PRR5: variants seen among roughly 807,000 people sequenced by gnomAD.
PRR5 encodes proline rich 5, also known as proline-rich protein 5.
Under a neutral mutation model 30.6 loss-of-function variants are expected in PRR5, and 25 were observed. The observed-to-expected ratio is 0.82, with a 90% CI of 0.60 to 1.14. The LOEUF (loss-of-function observed/expected upper bound fraction) is 1.14. Among genes scored for constraint, PRR5 ranks in the 50% most tolerant of loss-of-function variants. The probability of loss-of-function intolerance (pLI) is 0.00; values close to 1 mark genes in which losing one functional copy is unlikely to be tolerated. For missense variants in PRR5, 600 were observed against 547.1 expected (o/e 1.10, Z -0.96); for synonymous variants, 286 against 247.1 (o/e 1.16, Z -1.48).
chr22:44,731,161 G>A (rs932540505), intron 4 of PRR5: 3 of 265,264 alleles, frequency 1.1e-5, no homozygotes, highest in South Asian at 4.1e-5. Context: ...ACCTGTGTGG[G>A]TCTCACTTGT....
At chr22:44,685,638 A>G (rs920188314) in intron 1 of PRR5, among the ~76,000 whole-genome samples, 71 of 151,956 alleles carry the variant, frequency 4.7e-4, no homozygotes, top group African/African-American at 1.7e-3. Context: ...AGTGAAAGCC[A>G]CAAGCTCTCC....
chr22:44,670,425 T>G (rs1357030010), intron 1 of PRR5, among the ~76,000 whole-genome samples: 2 of 152,166 alleles, frequency 1.3e-5, no homozygotes, highest in Non-Finnish European at 2.9e-5. Context: ...GACAAGTCAC[T>G]TTGCTTCTCT....
chr22:44,725,627 C>T (rs964352819), intron 3 of PRR5, among the ~76,000 whole-genome samples: 26 of 152,018 alleles, frequency 1.7e-4, no homozygotes, highest in African/African-American at 5.3e-4. Context: ...CCCACCATCA[C>T]GCCTGGCTAA....
intron 2 of PRR5, among the ~76,000 whole-genome samples, chr22:44,721,924 G>A (rs1172184266): frequency 6.6e-6 from 1 of 152,220 alleles, no homozygotes; most frequent in Non-Finnish European, 1.5e-5. Flanking sequence ...ACTGAAAGTG[G>A]CCCTGCAAGT....
chr22:44,702,045 G>T (rs78245137), upstream of PRR5, among the ~76,000 whole-genome samples: 13,747 of 151,958 alleles, frequency 0.09, 1,003 homozygotes, highest in African/African-American at 0.21. Flanking sequence ...ACCCAGCGAG[G>T]CGTCGTGGCA....
chr22:44,704,313 TGGGGCGTCCTG>T (rs986869378), intron 1 of PRR5, among the ~76,000 whole-genome samples: 8 of 151,806 alleles, frequency 5.3e-5, no homozygotes, highest in Non-Finnish European at 5.9e-5. Context: ...ACCCCCGAGG[TGGGGCGTCCTG>T]CTGCGGGTCC....
At chr22:44,698,194 C>T (rs1569076726), upstream of PRR5, among the ~76,000 whole-genome samples, 2 of 152,130 alleles carry the variant, frequency 1.3e-5, no homozygotes, top group Non-Finnish European at 2.9e-5. Flanking sequence ...CCCCACTGGC[C>T]AGGGGGAGTT....
chr22:44,731,936 T>A, intron 5 of PRR5, 115 bp downstream of exon 5: 1 of 949,956 alleles, frequency 1.1e-6, no homozygotes. Context: ...CTCTGCTCTG[T>A]GCTGCTCTCC....
chr22:44,706,132 T>C (rs183018496), intron 1 of PRR5, among the ~76,000 whole-genome samples: 1 of 152,148 alleles, frequency 6.6e-6, no homozygotes, highest in African/African-American at 2.4e-5. Context: ...ACACTAGTTA[T>C]TGGATTTAGG....
At chr22:44,697,887 G>C (rs960466314), upstream of PRR5, among the ~76,000 whole-genome samples, 9 of 152,180 alleles carry the variant, frequency 5.9e-5, no homozygotes, top group Admixed American at 5.9e-4. Context: ...GGCCGCCCCT[G>C]TATCATGCCT....
intron 2 of PRR5, among the ~76,000 whole-genome samples, chr22:44,718,808 T>C (rs144283549): frequency 6.6e-6 from 1 of 152,216 alleles, no homozygotes; most frequent in African/African-American, 2.4e-5. Context: ...TGGAGAACTG[T>C]CTGTTCCCAT....
At chr22:44,677,674 TC>T (rs2146934219) in intron 1 of PRR5, among the ~76,000 whole-genome samples, 1 of 152,236 alleles carries the variant, frequency 6.6e-6, no homozygotes, top group South Asian at 2.1e-4. Flanking sequence ...AGATGGACCT[TC>T]CCTAGGGGAG....
chr22:44,677,284 G>A (rs1923845834), intron 1 of PRR5: 1 of 152,578 alleles, frequency 6.6e-6, no homozygotes, highest in African/African-American at 2.4e-5. Flanking sequence ...GGACGCCTGG[G>A]CGTGGAGAGG....
intron 1 of PRR5, chr22:44,668,828 G>A (rs1405332510): frequency 6.7e-6 from 1 of 149,358 alleles, no homozygotes; most frequent in Admixed American, 6.7e-5. Context: ...TACGGGTCCG[G>A]AGGCCCGGCC....
intron 2 of PRR5, among the ~76,000 whole-genome samples, chr22:44,724,114 G>A (rs1316423042): frequency 1.3e-5 from 2 of 152,182 alleles, no homozygotes; most frequent in Non-Finnish European, 2.9e-5. Context: ...TGCAAAGAGA[G>A]GACTGCCTAT....
upstream of PRR5, among the ~76,000 whole-genome samples, chr22:44,697,742 C>T (rs1173839304): frequency 6.6e-6 from 1 of 152,228 alleles, no homozygotes; most frequent in Non-Finnish European, 1.5e-5. Flanking sequence ...GCTCCAGCCT[C>T]AGCTCCCCCA....
At chr22:44,731,622 C>T (rs370193666) in intron 4 of PRR5, 108 bp from the exon 5 acceptor site, 9 of 1,140,618 alleles carry the variant, frequency 7.9e-6, no homozygotes, top group African/African-American at 3.1e-5. Flanking sequence ...TGCCAGGGGC[C>T]TGAGCCCAGG....
At chr22:44,692,061 C>A (rs1925287555) in intron 1 of PRR5, among the ~76,000 whole-genome samples, 2 of 152,120 alleles carry the variant, frequency 1.3e-5, no homozygotes, top group South Asian at 4.1e-4. Flanking sequence ...TCCTGCCTCC[C>A]AGGGCTGTTT....
intron 1 of PRR5, among the ~76,000 whole-genome samples, chr22:44,669,809 G>T (rs11912418): frequency 0.022 from 3,402 of 152,268 alleles, 143 homozygotes; most frequent in African/African-American, 0.079. Flanking sequence ...GCAAGGTGAT[G>T]AGTGATGCTC....
Sources: gnomAD v4.1 joint callset for allele counts (sites outside exome capture counted in the v4.1 genomes callset) on GRCh38, gnomAD v4.1.1 for gene constraint, MANE v1.5 for transcripts, NCBI Gene and HGNC (gene_info 2026-07-23, HGNC 2026-07-21) for gene names.